SLA2: variants seen among roughly 807,000 people sequenced by gnomAD.
SLA2 encodes Src like adaptor 2, also known as src-like-adapter 2.
In SLA2, 22 loss-of-function variants were observed where a neutral mutation model predicts 27.3. The ratio of observed to expected loss-of-function variants is 0.81; its 90% CI spans 0.58 to 1.15. The LOEUF (loss-of-function observed/expected upper bound fraction) is 1.15, where lower values mean the gene tolerates loss of function less well. Ranked by LOEUF, SLA2 falls within the 50% of genes most tolerant of loss-of-function variation. The probability of loss-of-function intolerance (pLI) is 0.00; values close to 1 mark genes in which losing one functional copy is unlikely to be tolerated. For missense variants in SLA2, 304 were observed against 322.2 expected (o/e 0.94, Z 0.43); for synonymous variants, 131 against 137.8 (o/e 0.95, Z 0.34).
At chr20:36,630,734 C>T (rs2039385537) in intron 5 of SLA2, among the ~76,000 whole-genome samples, 1 of 152,230 alleles carries the variant, frequency 6.6e-6, no homozygotes, top group Non-Finnish European at 1.5e-5. Context: ...CAACATCCCT[C>T]TTTGCCTCTG....
chr20:36,629,457 C>A (rs1451861024), intron 5 of SLA2, among the ~76,000 whole-genome samples: 18 of 138,084 alleles, frequency 1.3e-4, no homozygotes, highest in Non-Finnish European at 3.1e-5. Flanking sequence ...CATGGCAAAA[C>A]CCCGTTTCTA....
intron 5 of SLA2, among the ~76,000 whole-genome samples, chr20:36,626,842 CAA>C (rs539777775): frequency 2.2e-3 from 171 of 77,464 alleles, no homozygotes; most frequent in African/African-American, 6.3e-3. Flanking sequence ...GACTCCATCT[CAA>C]AAAAAAAAAA....
At chr20:36,628,547 A>AATTT (rs995983602) in intron 5 of SLA2, among the ~76,000 whole-genome samples, 35 of 151,946 alleles carry the variant, frequency 2.3e-4, no homozygotes, top group African/African-American at 7.7e-4. Flanking sequence ...TGATTTATTG[A>AATTT]ATTTATTTAT....
intron 5 of SLA2, among the ~76,000 whole-genome samples, chr20:36,626,080 C>T (rs1382774633): frequency 6.6e-6 from 1 of 151,846 alleles, no homozygotes; most frequent in Non-Finnish European, 1.5e-5. Context: ...GCCAGGGCAA[C>T]ATGGCAAAAC....
chr20:36,640,179 G>A (rs549982246), intron 2 of SLA2, among the ~76,000 whole-genome samples: 1 of 152,202 alleles, frequency 6.6e-6, no homozygotes, highest in Admixed American at 6.5e-5. Flanking sequence ...ATGGTGGCAT[G>A]TGCCTGTAGT....
intron 2 of SLA2, among the ~76,000 whole-genome samples, chr20:36,640,505 CTTTTT>C (rs1162794643): frequency 4.7e-4 from 62 of 133,264 alleles, no homozygotes; most frequent in African/African-American, 1.7e-3. Flanking sequence ...GATGAAAGAC[CTTTTT>C]TTTTTTTTTT....
In SLA2 at chr20:36,615,327, G is replaced by A. The variant is rs375445555; in HGVS notation, c.430C>T (p.Arg144Trp). 6.2e-6 allele frequency: 10 copies of A among 1,614,092 alleles called. No individual in the cohort carries two copies. Among genetic ancestry groups the A allele is most frequent in the Middle Eastern group, 3.3e-4 (2 of 6,060 alleles). ...VRLSRPASWD[R>W]IRHYRIHCLD... is the part of the protein sequence containing the mutation. ...CAGTGGATCCTGTAGTGTCTGATCC[G>A]GTCCCAGGATGCAGGGCGGCTGAGG... The change falls in exon 6 of 8, where the codon CGG becomes TGG. Residue 144 changes from arginine (R) to tryptophan (W), a missense_variant. Arg to Trp is a moderately radical substitution (Grantham distance 101). Transcript: ENST00000262866.
chr20:36,636,621 A>T (rs1268875321), intron 2 of SLA2, among the ~76,000 whole-genome samples: 228 of 125,664 alleles, frequency 1.8e-3, no homozygotes, highest in African/African-American at 7.8e-3. Context: ...GAAAAAAAAA[A>T]AAATATATAT....
At chr20:36,642,656 G>C (rs770030860) in intron 1 of SLA2, among the ~76,000 whole-genome samples, 2 of 151,974 alleles carry the variant, frequency 1.3e-5, no homozygotes, top group African/African-American at 2.4e-5. Flanking sequence ...CACGATCTCA[G>C]TTCACTGCAA....
chr20:36,629,846 G>A (rs2039375995), intron 5 of SLA2, among the ~76,000 whole-genome samples: 1 of 151,658 alleles, frequency 6.6e-6, no homozygotes, highest in South Asian at 2.1e-4. Flanking sequence ...GCTGAGGCAT[G>A]ACAATCACTT....
In SLA2 at chr20:36,641,239, G is replaced by A; in HGVS notation, c.91+6C>T. 6.2e-7 allele frequency: 1 copy of A among 1,612,990 alleles called. No individual in the cohort carries two copies. Among genetic ancestry groups the A allele is most frequent in the Non-Finnish European group, 8.5e-7 (1 of 1,179,052 alleles). ...GAGCCTGGCTGTCACAGGCCCTGAG[G>A]CCTACCTGCTTCCATGGTCACAGGT... is the stretch of plus-strand genomic sequence containing the variant. On this transcript the variant is annotated splice_donor_region_variant and intron_variant, in intron 2 of 7. Coordinates refer to ENST00000262866, the MANE Select transcript of SLA2 (RefSeq NM_032214.4).
At chr20:36,636,602 T>C (rs1214294471) in intron 2 of SLA2, among the ~76,000 whole-genome samples, 2 of 92,012 alleles carry the variant, frequency 2.2e-5, no homozygotes, top group Admixed American at 1.3e-4. Flanking sequence ...CTAAACTCCA[T>C]CTCAAAAAGA....
intron 5 of SLA2, among the ~76,000 whole-genome samples, chr20:36,619,536 T>C (rs1468051219): frequency 1.3e-5 from 2 of 150,458 alleles, no homozygotes; most frequent in African/African-American, 2.4e-5. Context: ...AAAAAAAAAA[T>C]TGGAGAGACT....
chr20:36,635,039 C>T (rs1435407946), intron 2 of SLA2, among the ~76,000 whole-genome samples: 3 of 151,938 alleles, frequency 2.0e-5, no homozygotes, highest in African/African-American at 7.3e-5. Context: ...CTATGTTGCC[C>T]AGGACACGGT....
At chr20:36,643,452 A>T (rs1978285229) in intron 1 of SLA2, among the ~76,000 whole-genome samples, 1 of 152,166 alleles carries the variant, frequency 6.6e-6, no homozygotes, top group African/African-American at 2.4e-5. Context: ...CTTACTCTGG[A>T]GGAGATCACT....
At chr20:36,636,623 A>AAAAAATATATATATATAT (rs1387991352) in intron 2 of SLA2, among the ~76,000 whole-genome samples, 2 of 114,712 alleles carry the variant, frequency 1.7e-5, no homozygotes, top group African/African-American at 8.0e-5. Context: ...AAAAAAAAAA[A>AAAAAATATATATATATAT]ATATATATAT....
chr20:36,639,057 G>A (rs1418098218), intron 2 of SLA2, among the ~76,000 whole-genome samples: 1 of 152,034 alleles, frequency 6.6e-6, no homozygotes, highest in Non-Finnish European at 1.5e-5. Context: ...TGTTGGTCAG[G>A]CTGGTCTCAA....
chr20:36,625,907 C>T (rs914914811), intron 5 of SLA2, among the ~76,000 whole-genome samples: 33 of 151,198 alleles, frequency 2.2e-4, no homozygotes, highest in Non-Finnish European at 2.8e-4. Context: ...GGCAGATCAC[C>T]TGAGGTCAGA....
chr20:36,628,588 C>T (rs28560400), intron 5 of SLA2, among the ~76,000 whole-genome samples: 5 of 152,098 alleles, frequency 3.3e-5, no homozygotes, highest in Non-Finnish European at 1.5e-5. Flanking sequence ...GTCTGTCACC[C>T]AGGCTGGAGT....
Sources: allele counts gnomAD v4.1 joint callset (sites outside exome capture counted in the v4.1 genomes callset), GRCh38; gene constraint gnomAD v4.1.1; transcripts MANE v1.5; gene names NCBI Gene and HGNC (gene_info 2026-07-23, HGNC 2026-07-21).